The following DLC1 variants were observed in gnomAD, a reference collection of about 807,000 sequenced individuals.
DLC1 encodes rho GTPase-activating protein 7.
Under a neutral mutation model 140.3 loss-of-function variants are expected in DLC1, and 54 were observed. That is an observed-to-expected ratio of 0.38 (90% CI 0.31 to 0.48). The LOEUF is 0.48. DLC1 is among the 20% of genes least tolerant of loss of function. The probability of loss-of-function intolerance (pLI) is 0.96; values close to 1 mark genes in which losing one functional copy is unlikely to be tolerated. For synonymous variants in DLC1, 986 were observed against 728.1 expected (o/e 1.35, Z -5.70); for missense variants, 2,536 against 1,907.0 (o/e 1.33, Z -6.14).
At chr8:13,091,559 G>T in intron 13 of DLC1, 127 bp from the exon 14 acceptor site, 1 of 715,452 alleles carries the variant, frequency 1.4e-6, no homozygotes, top group Non-Finnish European at 2.2e-6. Flanking sequence ...ATTGTTAAGT[G>T]GATTAAGAGT....
At chr8:13,377,302 T>C (rs994896028) in intron 4 of DLC1, among the ~76,000 whole-genome samples, 11 of 152,182 alleles carry the variant, frequency 7.2e-5, no homozygotes, top group African/African-American at 1.9e-4. Context: ...TAATCATGCA[T>C]ATGTATATAA....
At chr8:13,394,836 C>T (rs1836945196) in intron 3 of DLC1, among the ~76,000 whole-genome samples, 1 of 152,092 alleles carries the variant, frequency 6.6e-6, no homozygotes, top group Admixed American at 6.5e-5. Context: ...GTCCCTTGTC[C>T]CAGTATTTCC....
In DLC1 at chr8:13,501,480, A is replaced by G. The variant is rs375523891; in HGVS notation, c.-125-1284T>C. On this transcript the variant is annotated intron_variant, in intron 1 of 17. Coordinates refer to ENST00000276297, the MANE Select transcript of DLC1 (RefSeq NM_182643.3). ...CTTCACACGAGAACTGTCAGCACAC[A>G]ACATGGGTTGAGTTACTGATTTCTG... Among the ~76,000 whole-genome samples the G allele has an allele frequency of 2.0e-5, 3 of 152,204 alleles. No individual in the cohort carries two copies. In the East Asian group the frequency reaches 5.8e-4, roughly 29 times the overall value.
chr8:13,429,339 T>C (rs1838753397), intron 2 of DLC1, among the ~76,000 whole-genome samples: 1 of 152,166 alleles, frequency 6.6e-6, no homozygotes, highest in African/African-American at 2.4e-5. Flanking sequence ...TAGAAGTGCA[T>C]AGAAGGATAA....
At chr8:13,544,191 C>T (rs1214345017) in intron 1 of DLC1, among the ~76,000 whole-genome samples, 3 of 129,494 alleles carry the variant, frequency 2.3e-5, no homozygotes, top group African/African-American at 7.8e-5. Flanking sequence ...CTCTTACACA[C>T]ACACAAACAC....
intron 1 of DLC1, among the ~76,000 whole-genome samples, chr8:13,537,754 C>T (rs989650949): frequency 1.1e-4 from 17 of 150,166 alleles, no homozygotes; most frequent in South Asian, 8.4e-4. Flanking sequence ...CCCGGGTTCA[C>T]GCCATTCTCC....
intron 5 of DLC1, chr8:13,116,193 T>C (rs2128951105): frequency 1.0e-6 from 1 of 985,504 alleles, no homozygotes; most frequent in African/African-American, 1.7e-5. Context: ...CAGGTATTAA[T>C]CCAGTAGGAG....
At chr8:13,547,634 C>A (rs539113019) in intron 1 of DLC1, among the ~76,000 whole-genome samples, 2 of 152,004 alleles carry the variant, frequency 1.3e-5, no homozygotes, top group Non-Finnish European at 2.9e-5. Flanking sequence ...ACAGTTTATG[C>A]ATTAAGAAGG....
chr8:13,207,118 TACTACCTATTA>T (rs1207791656), intron 5 of DLC1, among the ~76,000 whole-genome samples: 1 of 152,180 alleles, frequency 6.6e-6, no homozygotes, highest in Middle Eastern at 3.2e-3. Flanking sequence ...GATGTGTATT[TACTACCTATTA>T]AAACTCATAC....
In DLC1 at chr8:13,472,507, G is replaced by A. The variant is rs137940703; in HGVS notation, c.1023+26542C>T. Among the ~76,000 whole-genome samples, 5 of 152,120 alleles carry A rather than the reference G, an allele frequency of 3.3e-5. No homozygotes were observed. The East Asian group carries it at 5.8e-4, about 18-fold the overall frequency. On this transcript the variant is annotated intron_variant, in intron 2 of 17. Coordinates refer to ENST00000276297, the MANE Select transcript of DLC1 (RefSeq NM_182643.3). ...TTGGACAAATGACCATTAATCTTTC[G>A]GAATCCTTGACATACTGTGAGAATT...
At chr8:13,135,580 G>C (rs1822506366) in intron 5 of DLC1, among the ~76,000 whole-genome samples, 1 of 150,442 alleles carries the variant, frequency 6.6e-6, no homozygotes, top group Non-Finnish European at 1.5e-5. Context: ...AAAAATAAGA[G>C]TGCACCTTCG....
intron 4 of DLC1, among the ~76,000 whole-genome samples, chr8:13,366,633 G>T (rs1459261050): frequency 6.6e-6 from 1 of 152,168 alleles, no homozygotes; most frequent in African/African-American, 2.4e-5. Context: ...TTAGAAATCT[G>T]CTTGGTTAGA....
Position 13,499,487 on chromosome 8 carries a change from A to G in DLC1, c.585T>C (p.Asn195=). 2 of 1,614,100 alleles carry G rather than the reference A, an allele frequency of 1.2e-6. No individual in the cohort carries two copies. Among genetic ancestry groups the G allele is most frequent in the Non-Finnish European group, 1.7e-6 (2 of 1,180,002 alleles). The change falls in exon 2 of 18, where the codon AAT becomes AAC. Residue 195 remains asparagine, a synonymous_variant. Coordinates refer to ENST00000276297, the MANE Select transcript of DLC1 (RefSeq NM_182643.3). ...DSISKSLELC[N]EISLSEIKDA... Reference sequence around the variant, plus strand: ...CTTTTATTTCACTTAAGCTTATTTCATTGCAAAGCTCCAGGCTTTTACTTA... The same window carrying G: ...CTTTTATTTCACTTAAGCTTATTTCGTTGCAAAGCTCCAGGCTTTTACTTA...
rs1818171589 is a variant in DLC1, at chr8:13,092,639, G to C, written c.3713C>G (p.Thr1238Ser). Reference sequence around the variant, plus strand: ...GGGAGAGGAATTCTCTCTCTTCAGGGTGTTGAGATGGAAGAGGGAAGGCGC... The same window carrying C: ...GGGAGAGGAATTCTCTCTCTTCAGGCTGTTGAGATGGAAGAGGGAAGGCGC... Reference protein sequence around the residue: ...CLAPSLFHLNTLKRENSSPRV... With the variant: ...CLAPSLFHLNSLKRENSSPRV... Residue 1238 changes from threonine (T) to serine (S), a missense_variant, in exon 13 of 18, where the codon ACC (threonine) becomes AGC (serine). Coordinates refer to ENST00000276297, the MANE Select transcript of DLC1 (RefSeq NM_182643.3). 1 of 1,614,076 alleles carries C rather than the reference G, an allele frequency of 6.2e-7. No individual in the cohort carries two copies. The highest frequency in any genetic ancestry group is 1.7e-5 in the Admixed American group (1 of 60,010).
intron 7 of DLC1, among the ~76,000 whole-genome samples, chr8:13,110,302 C>T (rs935098492): frequency 1.3e-5 from 2 of 152,090 alleles, no homozygotes; most frequent in Non-Finnish European, 2.9e-5. Flanking sequence ...AGCCTTATTT[C>T]GTCCTATCAT....
intron 5 of DLC1, among the ~76,000 whole-genome samples, chr8:13,160,743 G>GT (rs1346901411): frequency 6.6e-6 from 1 of 152,152 alleles, no homozygotes; most frequent in African/African-American, 2.4e-5. Flanking sequence ...ATCCTTCAAT[G>GT]TTTTTGTGAA....
At chr8:13,453,823 A>C (rs1416449616) in intron 2 of DLC1, among the ~76,000 whole-genome samples, 1 of 151,814 alleles carries the variant, frequency 6.6e-6, no homozygotes, top group Non-Finnish European at 1.5e-5. Context: ...AGTTGCTACT[A>C]TATGTATTAG....
chr8:13,405,543 G>C (rs1837487529), intron 2 of DLC1, among the ~76,000 whole-genome samples: 1 of 152,104 alleles, frequency 6.6e-6, no homozygotes. Flanking sequence ...AAAATCCACT[G>C]GTAAAGTCGA....
intron 5 of DLC1, among the ~76,000 whole-genome samples, chr8:13,239,364 G>A (rs1399141427): frequency 6.6e-6 from 1 of 152,072 alleles, no homozygotes; most frequent in Admixed American, 6.6e-5. Context: ...AGATATGTGG[G>A]GAATAGTGAA....
Sources: gnomAD v4.1 joint callset for allele counts (sites outside exome capture counted in the v4.1 genomes callset) on GRCh38, gnomAD v4.1.1 for gene constraint, MANE v1.5 for transcripts, NCBI Gene and HGNC (gene_info 2026-07-23, HGNC 2026-07-21) for gene names.